STK4: variants seen among roughly 807,000 people sequenced by gnomAD.
STK4 encodes the protein serine/threonine-protein kinase 4.
Under a neutral mutation model 64.9 loss-of-function variants are expected in STK4, and 30 were observed. The ratio of observed to expected loss-of-function variants is 0.46; its 90% confidence interval spans 0.35 to 0.63. STK4 has a LOEUF of 0.63. Ranked by LOEUF, STK4 falls within the 20% of genes least tolerant of loss-of-function variation. STK4 has a pLI of 0.01. For synonymous variants in STK4, 177 were observed against 199.0 expected (o/e 0.89, Z 0.93); for missense variants, 466 against 598.5 (o/e 0.78, Z 2.31).
chr20:45,022,835 T>C (rs573436712), intron 9 of STK4, among the ~76,000 whole-genome samples: 1 of 152,344 alleles, frequency 6.6e-6, no homozygotes, highest in South Asian at 2.1e-4. Flanking sequence ...CCATTTTTAT[T>C]GATGAACTCA....
At chr20:45,007,798 G>T (rs1320059855) in intron 9 of STK4, 2 of 421,640 alleles carry the variant, frequency 4.7e-6, no homozygotes, top group South Asian at 1.7e-5. Flanking sequence ...CATACAGGGG[G>T]TACATGTGCA....
At chr20:45,066,019 T>C (rs1979537102) in intron 10 of STK4, among the ~76,000 whole-genome samples, 1 of 152,156 alleles carries the variant, frequency 6.6e-6, no homozygotes, top group Non-Finnish European at 1.5e-5. Flanking sequence ...GCTGGCAATT[T>C]GGATTTGCCA....
intron 9 of STK4, among the ~76,000 whole-genome samples, chr20:45,020,902 C>T (rs1318375386): frequency 6.6e-6 from 1 of 152,032 alleles, no homozygotes; most frequent in African/African-American, 2.4e-5. Context: ...GCCTTGACCT[C>T]CTGGGCTCAG....
rs1390175398 is a variant in STK4, at chr20:45,078,984, A to G, written c.*3808A>G. 1 of 152,138 alleles carries G rather than the reference A, an allele frequency of 6.6e-6. No individual in the cohort carries two copies. Among genetic ancestry groups the G allele is most frequent in the Non-Finnish European group, 1.5e-5 (1 of 68,026 alleles). The allele number at this position is 152,138 out of a possible 1,614,324, so 9.4% of individuals were successfully genotyped here. A position where few individuals can be genotyped will look rare whatever the true frequency, so the allele number is the denominator to read the frequency against. ...ATTCCTTGAAAAATAAAAAGTACCA[A>G]AATTCATTCAAGAAGAAATAGATAC... On this transcript the variant is annotated 3_prime_UTR_variant, in exon 11 of 11. Transcript: ENST00000372806.
chr20:44,975,894 A>G (rs991000700), intron 2 of STK4, among the ~76,000 whole-genome samples: 1 of 152,254 alleles, frequency 6.6e-6, no homozygotes, highest in Admixed American at 6.5e-5. Flanking sequence ...GAGGAAAATC[A>G]TTCAAGAGAA....
In STK4 at chr20:45,006,253, G is replaced by GTATTTATT. The variant is rs71197590; in HGVS notation, c.1147+4921_1147+4928dup. ...ATTTTTGTTTCATTTTGTTTCGGATGTATTTATTTATTTATTTATTTATTT... is the reference window on the plus strand; with the variant it reads ...ATTTTTGTTTCATTTTGTTTCGGATGTATTTATTTATTTATTTATTTATTTATTTATTT... On this transcript the variant is annotated intron_variant, in intron 9 of 10. Coordinates refer to ENST00000372806, the MANE Select transcript of STK4 (RefSeq NM_006282.5). Among the ~76,000 whole-genome samples, 374 of 146,904 alleles carry GTATTTATT rather than the reference G, an allele frequency of 2.5e-3. 1 individual carries two copies. The highest frequency in any genetic ancestry group is 4.1e-3 in the African/African-American group (166 of 40,376).
intron 10 of STK4, among the ~76,000 whole-genome samples, chr20:45,062,657 G>T (rs573274603): frequency 4.0e-5 from 6 of 151,084 alleles, no homozygotes; most frequent in Middle Eastern, 3.2e-3. Flanking sequence ...TTACTGTGGG[G>T]TTTTTTTTTG....
chr20:44,990,722 A>G (rs1459994071), intron 5 of STK4, among the ~76,000 whole-genome samples: 2 of 152,114 alleles, frequency 1.3e-5, no homozygotes, highest in African/African-American at 4.8e-5. Context: ...CACTCCCCAG[A>G]GAGTACACCT....
At chr20:45,067,082 G>A (rs1979636346) in intron 10 of STK4, among the ~76,000 whole-genome samples, 1 of 152,088 alleles carries the variant, frequency 6.6e-6, no homozygotes, top group Non-Finnish European at 1.5e-5. Context: ...AGTATCCTCG[G>A]TACTAAATTA....
chr20:45,026,009 T>A (rs909641387), intron 10 of STK4, among the ~76,000 whole-genome samples: 6 of 152,150 alleles, frequency 3.9e-5, no homozygotes, highest in Non-Finnish European at 8.8e-5. Flanking sequence ...ATGGTAGAGA[T>A]CCTTTGAGGA....
Position 45,075,629 on chromosome 20 carries a change from C to A in STK4, c.*453C>A, listed in dbSNP as rs1392699504. 6.5e-6 allele frequency: 1 copy of A among 152,908 alleles called. No homozygotes were observed. Among genetic ancestry groups the A allele is most frequent in the Non-Finnish European group, 1.5e-5 (1 of 68,286 alleles). 9.5% of individuals were successfully genotyped at this position (152,908 alleles called of 1,614,324 possible). On this transcript the variant is annotated 3_prime_UTR_variant, in exon 11 of 11. Coordinates refer to ENST00000372806, the MANE Select transcript of STK4 (RefSeq NM_006282.5). ...AGGTACAGTTTTAAACGGTTTGCCT[C>A]TTTTCTGTAAGATTATGGTACTGTG...
chr20:44,985,518 T>C (rs1009837253), intron 4 of STK4, among the ~76,000 whole-genome samples: 1 of 152,122 alleles, frequency 6.6e-6, no homozygotes, highest in Admixed American at 6.5e-5. Flanking sequence ...AATTTTTGTA[T>C]TTTTAGTAGA....
chr20:44,978,813 T>C (rs2067384494), intron 3 of STK4, among the ~76,000 whole-genome samples: 1 of 151,678 alleles, frequency 6.6e-6, no homozygotes, highest in Non-Finnish European at 1.5e-5. Context: ...TTTTTTTTTT[T>C]TCTGAGACAA....
intron 10 of STK4, among the ~76,000 whole-genome samples, chr20:45,054,528 C>G (rs1185673882): frequency 6.8e-6 from 1 of 146,786 alleles, no homozygotes; most frequent in East Asian, 2.0e-4. Flanking sequence ...CACCACTGCA[C>G]TCTAGCCTGG....
At chr20:45,033,653 C>G (rs529644599) in intron 10 of STK4, among the ~76,000 whole-genome samples, 29 of 152,288 alleles carry the variant, frequency 1.9e-4, no homozygotes, top group Middle Eastern at 3.4e-3. Context: ...GATCTCAACT[C>G]ACTGCAATCT....
chr20:44,990,260 G>T, intron 5 of STK4, among the ~76,000 whole-genome samples: 1 of 152,006 alleles, frequency 6.6e-6, no homozygotes, highest in South Asian at 2.1e-4. Context: ...GCATGTATTT[G>T]GTTAAATTCA....
At position 44,976,157 on chromosome 20, in the gene STK4, A is replaced by C. The variant is rs115213839; in HGVS notation, c.117-2286A>C. 3.0e-3 allele frequency among the ~76,000 whole-genome samples: 459 copies of C among 152,376 alleles called. 2 individuals carry two copies. The highest frequency in any genetic ancestry group is 0.011 in the African/African-American group (437 of 41,592). The stretch of plus-strand genomic sequence containing the variant: ...TGAAAACTACAACAATTGAAGTTTT[A>C]AAAGCCCAATAAATTGGATAAACAG... On this transcript the variant is annotated intron_variant, in intron 2 of 10. Coordinates refer to ENST00000372806, the MANE Select transcript of STK4 (RefSeq NM_006282.5).
intron 10 of STK4, among the ~76,000 whole-genome samples, chr20:45,031,819 T>G (rs2068448344): frequency 6.7e-6 from 1 of 149,136 alleles, no homozygotes; most frequent in Non-Finnish European, 1.5e-5. Context: ...GCAGAAGAAT[T>G]GCTTGAACCC....
chr20:44,988,565 A>ATATATG (rs2067578171), intron 5 of STK4, among the ~76,000 whole-genome samples: 1 of 143,816 alleles, frequency 7.0e-6, no homozygotes, highest in Admixed American at 7.0e-5. Context: ...ATATATATAT[A>ATATATG]TATGTATCCA....
Sources: gnomAD v4.1 joint callset for allele counts (sites outside exome capture counted in the v4.1 genomes callset) on GRCh38, gnomAD v4.1.1 for gene constraint, MANE v1.5 for transcripts, NCBI Gene and HGNC (gene_info 2026-07-23, HGNC 2026-07-21) for gene names.